EYS: variants seen among roughly 807,000 people sequenced by gnomAD.
EYS encodes protein eyes shut homolog.
In EYS, 250 loss-of-function variants were observed where a neutral mutation model predicts 282.1. That is an observed-to-expected ratio of 0.89 (90% confidence interval 0.80 to 0.98). The LOEUF (loss-of-function observed/expected upper bound fraction) is 0.98, where lower values mean the gene tolerates loss of function less well. Ranked by LOEUF, EYS falls within the 50% of genes least tolerant of loss-of-function variation. The probability of loss-of-function intolerance (pLI) is 0.00; values close to 1 mark genes in which losing one functional copy is unlikely to be tolerated. For synonymous variants in EYS, 1,355 were observed against 1,282.9 expected (o/e 1.06, Z -1.20); for missense variants, 4,016 against 3,709.0 (o/e 1.08, Z -2.15).
intron 36 of EYS, among the ~76,000 whole-genome samples, chr6:63,856,188 C>T (rs780917539): frequency 6.6e-6 from 1 of 152,002 alleles, no homozygotes; most frequent in Non-Finnish European, 1.5e-5. Flanking sequence ...TGCTAAAGGG[C>T]CTGGACTGAC....
chr6:65,648,805 A>T (rs778627649), intron 1 of EYS, among the ~76,000 whole-genome samples: 3 of 152,146 alleles, frequency 2.0e-5, no homozygotes, highest in Non-Finnish European at 4.4e-5. Context: ...TGAACAACGC[A>T]CTATTCCACC....
chr6:65,073,529 G>T (rs2150167234), intron 12 of EYS, among the ~76,000 whole-genome samples: 1 of 151,790 alleles, frequency 6.6e-6, no homozygotes, highest in South Asian at 2.1e-4. Flanking sequence ...AAAGGAAAGT[G>T]TATTGTATAT....
chr6:65,370,836 A>G (rs570794551), intron 8 of EYS, among the ~76,000 whole-genome samples: 12 of 152,068 alleles, frequency 7.9e-5, no homozygotes, highest in Non-Finnish European at 1.6e-4. Context: ...CCTTTAGGGC[A>G]ATTTTTCTGC....
At chr6:64,105,064 G>T (rs1772962686) in intron 31 of EYS, among the ~76,000 whole-genome samples, 1 of 151,844 alleles carries the variant, frequency 6.6e-6, no homozygotes, top group South Asian at 2.1e-4. Context: ...GACAGAAGAT[G>T]AAAGAGAGCA....
intron 5 of EYS, among the ~76,000 whole-genome samples, chr6:65,428,023 A>C (rs537687410): frequency 6.6e-6 from 1 of 152,216 alleles, no homozygotes; most frequent in Admixed American, 6.5e-5. Context: ...CACGTTATAC[A>C]TAATAAGTGA....
chr6:64,767,645 A>G (rs539669423), intron 22 of EYS, among the ~76,000 whole-genome samples: 2 of 152,238 alleles, frequency 1.3e-5, no homozygotes, highest in South Asian at 2.1e-4. Flanking sequence ...ATAGTATTTA[A>G]TTGTTTATAT....
At chr6:64,080,965 T>C (rs1199592965) in intron 32 of EYS, among the ~76,000 whole-genome samples, 1 of 152,002 alleles carries the variant, frequency 6.6e-6, no homozygotes, top group African/African-American at 2.4e-5. Context: ...TGTAGCCTTG[T>C]AGGATAGTTT....
At chr6:63,990,385 T>C (rs995637822) in intron 34 of EYS, among the ~76,000 whole-genome samples, 1 of 151,588 alleles carries the variant, frequency 6.6e-6, no homozygotes, top group Admixed American at 6.6e-5. Context: ...ATGGCATTCA[T>C]TCATTATAGG....
chr6:65,154,521 TTTATAA>T (rs1446421993), intron 12 of EYS, among the ~76,000 whole-genome samples: 10 of 151,772 alleles, frequency 6.6e-5, no homozygotes, highest in Admixed American at 1.3e-4. Context: ...ATAAAGTAAT[TTTATAA>T]TTATATGTTT....
chr6:65,285,532 A>G (rs1230901978), intron 12 of EYS, among the ~76,000 whole-genome samples: 2 of 152,032 alleles, frequency 1.3e-5, no homozygotes, highest in African/African-American at 2.4e-5. Context: ...GTGCCCTAAC[A>G]GCAAGAAAAG....
chr6:65,505,466 C>T (rs1483776532), intron 2 of EYS, among the ~76,000 whole-genome samples: 2 of 151,672 alleles, frequency 1.3e-5, no homozygotes, highest in Non-Finnish European at 1.5e-5. Flanking sequence ...TGTTATTTCT[C>T]TAGCTTCTTA....
In EYS at chr6:64,517,184, A is replaced by G. The variant is rs548787491; in HGVS notation, c.5644+73039T>C. Among the ~76,000 whole-genome samples the G allele has an allele frequency of 5.9e-4, 89 of 151,918 alleles. 2 individuals carry two copies. The South Asian group carries it at 0.018, about 31-fold the overall frequency. On this transcript the variant is annotated intron_variant, in intron 26 of 42. Transcript: ENST00000503581. Reference sequence around the variant, plus strand: ...TTTTTCTGGGTTTAGTAATGAGCAGATAGGGCCAAATAATTATGAATAGAA... The same window carrying G: ...TTTTTCTGGGTTTAGTAATGAGCAGGTAGGGCCAAATAATTATGAATAGAA...
At chr6:65,546,716 C>T (rs1042413420) in intron 2 of EYS, among the ~76,000 whole-genome samples, 5 of 151,916 alleles carry the variant, frequency 3.3e-5, no homozygotes, top group African/African-American at 4.8e-5. Context: ...GGATTACAGG[C>T]GCCTGCTACC....
At chr6:65,369,344 A>G (rs942482731) in intron 8 of EYS, among the ~76,000 whole-genome samples, 1 of 144,624 alleles carries the variant, frequency 6.9e-6, no homozygotes, top group Admixed American at 7.4e-5. Flanking sequence ...ATATATATAT[A>G]TCTCATTCTG....
At chr6:64,288,753 G>A (rs4645400) in intron 30 of EYS, among the ~76,000 whole-genome samples, 114,525 of 151,974 alleles carry the variant, frequency 0.75, 43,778 homozygotes, top group African/African-American at 0.89. Flanking sequence ...TCTTTTGGTG[G>A]TATCTGCTGA....
At chr6:64,096,324 T>G (rs1050269820) in intron 31 of EYS, among the ~76,000 whole-genome samples, 4 of 152,230 alleles carry the variant, frequency 2.6e-5, no homozygotes, top group African/African-American at 9.6e-5. Context: ...GAAGTTCTCC[T>G]GGATAATATA....
chr6:64,500,059 G>T lies in EYS; in HGVS notation c.5645-60707C>A, dbSNP rs1029742903. ...AAATTTATATGGGGTATAAAAATTTGTTATGATGAAAATACATTGAATAAA... is the reference window on the plus strand; with the variant it reads ...AAATTTATATGGGGTATAAAAATTTTTTATGATGAAAATACATTGAATAAA... On this transcript the variant is annotated intron_variant, in intron 26 of 42. Transcript: ENST00000503581. Among the ~76,000 whole-genome samples the T allele has an allele frequency of 1.8e-4, 28 of 152,138 alleles. No individual in the cohort carries two copies. In the East Asian group the frequency reaches 5.2e-3, roughly 28 times the overall value.
At chr6:64,473,054 A>C (rs909265221) in intron 26 of EYS, among the ~76,000 whole-genome samples, 11 of 152,190 alleles carry the variant, frequency 7.2e-5, no homozygotes, top group Non-Finnish European at 1.6e-4. Flanking sequence ...TATGATAGTT[A>C]CTATCCAGCA....
intron 14 of EYS, among the ~76,000 whole-genome samples, chr6:64,961,120 G>A (rs1769900279): frequency 6.6e-6 from 1 of 152,112 alleles, no homozygotes; most frequent in South Asian, 2.1e-4. Flanking sequence ...ATATATGTGT[G>A]CATGTGCCTT....
Sources: allele counts gnomAD v4.1 joint callset (sites outside exome capture counted in the v4.1 genomes callset), GRCh38; gene constraint gnomAD v4.1.1; transcripts MANE v1.5; gene names NCBI Gene and HGNC (gene_info 2026-07-23, HGNC 2026-07-21).